The following PCDHA12 variants were observed in gnomAD, a reference collection of about 807,000 sequenced individuals.
PCDHA12 encodes the protein protocadherin alpha-12.
PCDHA12 carries 44 observed loss-of-function variants against 60.0 expected under a neutral mutation model. That is an observed-to-expected ratio of 0.73 (90% CI 0.58 to 0.94). The LOEUF (loss-of-function observed/expected upper bound fraction) is 0.94, where lower values mean the gene tolerates loss of function less well. PCDHA12 is among the 40% of genes least tolerant of loss of function. The pLI is 0.00. For synonymous variants in PCDHA12, 569 were observed against 553.0 expected, an observed-to-expected ratio of 1.03 and a Z score of -0.40; for missense variants, 1,276 against 1,239.7, an observed-to-expected ratio of 1.03 and a Z score of -0.44.
intron 1 of PCDHA12, chr5:140,966,461 C>A: frequency 2.3e-6 from 1 of 429,006 alleles, no homozygotes; most frequent in East Asian, 3.5e-5. Flanking sequence ...CCCCCTCTGT[C>A]TTCCCTTCTG....
chr5:140,969,372 T>G, intron 1 of PCDHA12: 1 of 1,606,704 alleles, frequency 6.2e-7, no homozygotes, highest in Non-Finnish European at 8.5e-7. Context: ...ACTCATGCAT[T>G]TGTTACACAT....
chr5:140,927,272 G>A lies in PCDHA12; in HGVS notation c.2367+49433G>A, dbSNP rs782403423. 3.7e-6 allele frequency: 6 copies of A among 1,613,966 alleles called. No homozygotes were observed. Among genetic ancestry groups the A allele is most frequent in the African/African-American group, 1.3e-5 (1 of 74,910 alleles). ...GACAACTCACCTCTCTTTCCTGCCG[G>A]CGACGTGCAGCTGCACATCCCCGAG... On this transcript the variant is annotated intron_variant, in intron 1 of 3. Transcript: ENST00000398631.
At chr5:140,979,051 G>C in intron 2 of PCDHA12, 44 bp downstream of exon 2, 1 of 1,609,534 alleles carries the variant, frequency 6.2e-7, no homozygotes, top group East Asian at 2.2e-5. Flanking sequence ...ACCTTAACTT[G>C]GTATGGCTCA....
chr5:140,944,744 A>G (rs1408016136), intron 1 of PCDHA12, among the ~76,000 whole-genome samples: 2 of 152,204 alleles, frequency 1.3e-5, no homozygotes, highest in East Asian at 3.8e-4. Context: ...CTGAGCATTT[A>G]CATGGAAAAA....
intron 1 of PCDHA12, chr5:140,884,015 C>T: frequency 6.2e-7 from 1 of 1,613,158 alleles, no homozygotes. Flanking sequence ...GCTGATGCCG[C>T]GGTCGGTGGG....
intron 1 of PCDHA12, among the ~76,000 whole-genome samples, chr5:140,878,522 C>A (rs1237264420): frequency 6.6e-6 from 1 of 152,072 alleles, no homozygotes; most frequent in Non-Finnish European, 1.5e-5. Flanking sequence ...AGTTGGTAAC[C>A]AACTGTGGCT....
rs781855200 is a variant in PCDHA12 at position 140,876,551 on chromosome 5, A to G, written c.1079A>G (p.Gln360Arg). ...VMVTSLSLPVQEDAQVGTVIA... is the reference protein window; with the variant it reads ...VMVTSLSLPVREDAQVGTVIA... Reference sequence around the variant, plus strand: ...GTTACTTCACTGTCGCTCCCTGTGCAAGAGGATGCTCAGGTGGGTACCGTC... The same window carrying G: ...GTTACTTCACTGTCGCTCCCTGTGCGAGAGGATGCTCAGGTGGGTACCGTC... Residue 360 changes from glutamine to arginine, a missense_variant, in exon 1 of 4, where the codon CAA becomes CGA. By Grantham distance (43) the Gln-to-Arg change is conservative (BLOSUM62 1). Coordinates refer to ENST00000398631, the MANE Select transcript of PCDHA12 (RefSeq NM_018903.4). The G allele has an allele frequency of 6.2e-7, 1 of 1,614,184 alleles. No homozygotes were observed. Among genetic ancestry groups the G allele is most frequent in the Admixed American group, 1.7e-5 (1 of 60,024 alleles).
chr5:140,938,758 A>T (rs2153638695), intron 1 of PCDHA12, among the ~76,000 whole-genome samples: 1 of 152,274 alleles, frequency 6.6e-6, no homozygotes, highest in African/African-American at 2.4e-5. Flanking sequence ...AGGCATAGTT[A>T]TTGGGTACTA....
At chr5:140,970,893 T>C (rs568576965) in intron 1 of PCDHA12, among the ~76,000 whole-genome samples, 3 of 152,200 alleles carry the variant, frequency 2.0e-5, no homozygotes, top group Non-Finnish European at 4.4e-5. Context: ...CATGGACATT[T>C]CAGATAGATT....
rs782217893 is a variant in PCDHA12 at position 140,877,323 on chromosome 5, C to T, written c.1851C>T (p.Gly617=). The change falls in exon 1 of 4, where the codon GGC becomes GGT. Residue 617 remains glycine, a synonymous_variant. Transcript: ENST00000398631. The part of the protein sequence containing the change: ...LSYELQPAAV[G]AHIPFHVGLY... ...ACGAGTTGCAACCGGCGGCGGTCGG[C>T]GCGCACATCCCGTTCCACGTGGGGC... The T allele has an allele frequency of 1.2e-6, 2 of 1,613,988 alleles. No individual in the cohort carries two copies. The highest frequency in any genetic ancestry group is 2.2e-5 in the East Asian group (1 of 44,874).
intron 3 of PCDHA12, among the ~76,000 whole-genome samples, chr5:140,991,007 G>C (rs2153892777): frequency 6.6e-6 from 1 of 152,280 alleles, no homozygotes; most frequent in South Asian, 2.1e-4. Flanking sequence ...ATTGAGAACT[G>C]TGATAAGCAC....
At chr5:140,938,606 T>G (rs2092130259) in intron 1 of PCDHA12, among the ~76,000 whole-genome samples, 1 of 152,166 alleles carries the variant, frequency 6.6e-6, no homozygotes, top group African/African-American at 2.4e-5. Flanking sequence ...AATCTTGCAT[T>G]CTTGGAATAA....
intron 1 of PCDHA12, among the ~76,000 whole-genome samples, chr5:140,905,368 T>C (rs536118800): frequency 6.6e-6 from 1 of 152,218 alleles, no homozygotes; most frequent in African/African-American, 2.4e-5. Flanking sequence ...TATTTCTGGT[T>C]CTCTGTTCTG....
intron 1 of PCDHA12, chr5:140,967,958 C>T (rs202159883): frequency 5.6e-6 from 9 of 1,614,182 alleles, no homozygotes; most frequent in East Asian, 2.2e-5. Flanking sequence ...AGGCCCCAAC[C>T]GGAAAGTGAG....
At chr5:140,989,533 T>C (rs114286041) in intron 3 of PCDHA12, among the ~76,000 whole-genome samples, 1,576 of 152,276 alleles carry the variant, frequency 0.01, 12 homozygotes, top group Middle Eastern at 0.058. Flanking sequence ...AGGAGGAAGA[T>C]AGTTTGTAAT....
Position 141,010,230 on chromosome 5 carries a change from C to T in PCDHA12, c.*293C>T. The T allele has an allele frequency of 1.3e-6, 2 of 1,551,936 alleles. No homozygotes were observed. Among genetic ancestry groups the T allele is most frequent in the African/African-American group, 1.4e-5 (1 of 73,162 alleles). Reference sequence around the variant, plus strand: ...GCAAAGGAGAGGCTTCCCAGCCCCGCCAGTGAGAGGTTGGACTCTCTGCCC... The same window carrying T: ...GCAAAGGAGAGGCTTCCCAGCCCCGTCAGTGAGAGGTTGGACTCTCTGCCC... On this transcript the variant is annotated 3_prime_UTR_variant, in exon 4 of 4. Transcript: ENST00000398631.
chr5:140,900,734 G>C (rs2068260899), intron 1 of PCDHA12, among the ~76,000 whole-genome samples: 1 of 152,200 alleles, frequency 6.6e-6, no homozygotes, highest in African/African-American at 2.4e-5. Flanking sequence ...CTAGCAGTGG[G>C]ATTTCTGGAT....
At chr5:140,997,702 T>C (rs548432387) in intron 3 of PCDHA12, among the ~76,000 whole-genome samples, 1 of 150,740 alleles carries the variant, frequency 6.6e-6, no homozygotes, top group Non-Finnish European at 1.5e-5. Context: ...GTGTGTATGT[T>C]AACAAACACC....
intron 3 of PCDHA12, among the ~76,000 whole-genome samples, chr5:140,996,093 A>G (rs2097711389): frequency 6.6e-6 from 1 of 152,210 alleles, no homozygotes; most frequent in South Asian, 2.1e-4. Flanking sequence ...GCTAGATTAC[A>G]TGGAATGGTA....
Sources: gnomAD v4.1 joint callset for allele counts (sites outside exome capture counted in the v4.1 genomes callset) on GRCh38, gnomAD v4.1.1 for gene constraint, MANE v1.5 for transcripts, NCBI Gene and HGNC (gene_info 2026-07-23, HGNC 2026-07-21) for gene names.